FRRS1: variants seen among roughly 807,000 people sequenced by gnomAD.
FRRS1 encodes the protein ferric chelate reductase 1, also known as ferric reductase 1.
A neutral mutation model predicts 70.7 loss-of-function variants in FRRS1; 51 were observed. That is an observed-to-expected ratio of 0.72 (90% CI 0.58 to 0.91). FRRS1 has a LOEUF of 0.91. FRRS1 is among the 40% of genes least tolerant of loss of function. FRRS1 has a pLI of 0.00. For missense variants in FRRS1, 672 were observed against 726.0 expected, an observed-to-expected ratio of 0.93 and a Z score of 0.86; for synonymous variants, 225 against 238.7, an observed-to-expected ratio of 0.94 and a Z score of 0.53.
chr1:99,717,347 T>C, intron 11 of FRRS1, 63 bp downstream of exon 11: 1 of 1,052,070 alleles, frequency 9.5e-7, no homozygotes, highest in Non-Finnish European at 1.5e-6. Context: ...ATACTTCATA[T>C]GTTTTCATGT....
At chr1:99,742,312 A>G in intron 4 of FRRS1, 39 bp from the exon 5 acceptor site, 1 of 1,215,268 alleles carries the variant, frequency 8.2e-7, no homozygotes, top group African/African-American at 1.5e-5. Flanking sequence ...TCAGTCACTC[A>G]ATAGCTCAGC....
chr1:99,747,550 A>G, intron 3 of FRRS1, 120 bp from the exon 4 acceptor site: 1 of 926,330 alleles, frequency 1.1e-6, no homozygotes, highest in Non-Finnish European at 1.6e-6. Context: ...TGGAGAGAAA[A>G]CAGTCATCTT....
rs536865996 is a variant in FRRS1 at position 99,735,009 on chromosome 1, T to C, written c.759+3077A>G. On this transcript the variant is annotated intron_variant, in intron 7 of 16. Transcript: ENST00000646001. ...GCTAATGCGCATACTTGATAGACTTTACATTATTTAACAAAATATCTCAAA... is the reference window on the plus strand; with the variant it reads ...GCTAATGCGCATACTTGATAGACTTCACATTATTTAACAAAATATCTCAAA... Among the ~76,000 whole-genome samples the C allele has an allele frequency of 3.3e-5, 5 of 152,316 alleles. No individual in the cohort carries two copies. In the South Asian group the frequency reaches 8.3e-4, roughly 25 times the overall value.
rs1377292229 is a variant in FRRS1, at chr1:99,747,421, G to A, written c.206C>T (p.Ser69Leu). 1.2e-5 allele frequency: 20 copies of A among 1,608,784 alleles called. No homozygotes were observed. Among genetic ancestry groups the A allele is most frequent in the Non-Finnish European group, 1.4e-5 (16 of 1,178,570 alleles). ...RPGDQIEVTL[S>L]GHPFKGFLLE... ...GAGAAAGCCTTTAAATGGATGCCCTGACAAAGTAACTGAGAAAAAGACAAA... is the reference window on the plus strand; with the variant it reads ...GAGAAAGCCTTTAAATGGATGCCCTAACAAAGTAACTGAGAAAAAGACAAA... Residue 69 changes from serine to leucine, a missense_variant, in exon 4 of 17, where the codon TCA (serine) becomes TTA (leucine). By Grantham distance (145) the Ser-to-Leu change is moderately radical (BLOSUM62 -2). Transcript: ENST00000646001.
rs1437609792 is a variant in FRRS1, at chr1:99,748,888, T to C, written c.-1+9A>G. 2 of 639,978 alleles carry C rather than the reference T, an allele frequency of 3.1e-6. No homozygotes were observed. Among genetic ancestry groups the C allele is most frequent in the African/African-American group, 1.8e-5 (1 of 54,362 alleles). The allele number at this position is 639,978 out of a possible 1,614,324, so 39.6% of individuals were successfully genotyped here. A position where few individuals can be genotyped will look rare whatever the true frequency, so the allele number is the denominator to read the frequency against. ...TTTCTGTGTTCAGCAAACCATATTC[T>C]CAACATACCTGATAAAAAGAATGTG... On this transcript the variant is annotated intron_variant, in intron 2 of 16. Coordinates refer to ENST00000646001, the MANE Select transcript of FRRS1 (RefSeq NM_001361041.2).
At chr1:99,754,759 G>A (rs770136094) in intron 1 of FRRS1, among the ~76,000 whole-genome samples, 2 of 152,098 alleles carry the variant, frequency 1.3e-5, no homozygotes, top group Non-Finnish European at 2.9e-5. Flanking sequence ...AGTGCTTAAC[G>A]GGAAATTTAC....
chr1:99,717,116 G>A (rs903767702), intron 11 of FRRS1, among the ~76,000 whole-genome samples: 15 of 152,156 alleles, frequency 9.9e-5, no homozygotes, highest in Non-Finnish European at 1.6e-4. Context: ...TCTACAAACA[G>A]AGGTATAAGT....
At chr1:99,724,181 G>A (rs1036996056) in intron 9 of FRRS1, among the ~76,000 whole-genome samples, 4 of 152,210 alleles carry the variant, frequency 2.6e-5, no homozygotes, top group African/African-American at 7.2e-5. Flanking sequence ...TGATTTCAGA[G>A]TTCCATTGTG....
intron 4 of FRRS1, among the ~76,000 whole-genome samples, chr1:99,742,946 T>A (rs2100971150): frequency 6.6e-6 from 1 of 152,030 alleles, no homozygotes; most frequent in South Asian, 2.1e-4. Flanking sequence ...CCATCACCTA[T>A]CCCTCCCATT....
At chr1:99,718,417 C>T (rs1270588355) in intron 10 of FRRS1, among the ~76,000 whole-genome samples, 1 of 152,140 alleles carries the variant, frequency 6.6e-6, no homozygotes, top group East Asian at 1.9e-4. Context: ...CAACCTCCAC[C>T]TTCTGGGTTC....
rs756656470 is a variant in FRRS1, at chr1:99,747,322, G to C, written c.305C>G (p.Ser102Ter). The C allele has an allele frequency of 1.2e-6, 2 of 1,613,674 alleles. No homozygotes were observed. Among genetic ancestry groups the C allele is most frequent in the Non-Finnish European group, 1.7e-6 (2 of 1,179,878 alleles). ...GSFTLIDSEVSQLLTCEDIQG... is the reference protein window; with the variant it reads ...GSFTLIDSEV Reference sequence around the variant, plus strand: ...TATATCTTCACAGGTCAAAAGTTGTGACACTTCACTGTCAATCAATGTGAA... The same window carrying C: ...TATATCTTCACAGGTCAAAAGTTGTCACACTTCACTGTCAATCAATGTGAA... Residue 102 changes from serine to a stop codon, truncating the protein, a stop_gained, in exon 4 of 17, where the codon TCA becomes TGA. Coordinates refer to ENST00000646001, the MANE Select transcript of FRRS1 (RefSeq NM_001361041.2). LOFTEE classifies it high-confidence loss of function.
In FRRS1 at chr1:99,728,506, A is replaced by G; in HGVS notation, c.993T>C (p.Gly331=). Residue 331 remains glycine, a synonymous_variant, in exon 9 of 17, where the codon GGT becomes GGC. Transcript: ENST00000646001. ...NTSYYIFLAD[G]AANDGRIYKH... ...CAATATACTTACCATCATTAGCTGC[A>G]CCATCTGCTAGAAATATGTAATAGC... is the stretch of plus-strand genomic sequence containing the variant. 1.2e-6 allele frequency: 2 copies of G among 1,611,856 alleles called. No individual in the cohort carries two copies. Among genetic ancestry groups the G allele is most frequent in the South Asian group, 1.1e-5 (1 of 90,936 alleles).
chr1:99,736,205 T>C (rs1655648114), intron 7 of FRRS1, among the ~76,000 whole-genome samples: 2 of 152,150 alleles, frequency 1.3e-5, no homozygotes, highest in Admixed American at 1.3e-4. Context: ...ACACTAAGAA[T>C]ATCCAAAAGA....
chr1:99,714,468 C>G (rs1272908403), intron 12 of FRRS1, among the ~76,000 whole-genome samples: 2 of 152,086 alleles, frequency 1.3e-5, no homozygotes, highest in African/African-American at 2.4e-5. Flanking sequence ...AGGTGTGAGC[C>G]ACCATGCCCG....
rs751238124 is a variant in FRRS1 at position 99,748,747 on chromosome 1, G to A, written c.22C>T (p.Leu8Phe). The change falls in exon 3 of 17, where the codon CTT (leucine) becomes TTT (phenylalanine). Residue 8 changes from leucine (L) to phenylalanine (F), a missense_variant. Transcript: ENST00000646001. ...TGCAACAGAAGTATGCAGGTACCAA[G>A]AGTAAATCCAGAAACTGCCATCTCA... MAVSGFT[L>F]GTCILLLHIS... 17 of 1,613,376 alleles carry A rather than the reference G, an allele frequency of 1.1e-5. No individual in the cohort carries two copies. In the Admixed American group the frequency reaches 2.7e-4, roughly 25 times the overall value.
At chr1:99,766,572 A>G (rs1206651837) in intron 1 of FRRS1, 35 bp downstream of exon 1, 2 of 152,242 alleles carry the variant, frequency 1.3e-5, no homozygotes, top group Non-Finnish European at 2.9e-5. Context: ...CTTTACAAAG[A>G]GCTTTGACAT....
At chr1:99,746,001 G>A (rs1175853954) in intron 4 of FRRS1, among the ~76,000 whole-genome samples, 1 of 102,172 alleles carries the variant, frequency 9.8e-6, no homozygotes, top group Non-Finnish European at 1.7e-5. Context: ...CCCAGAAGCT[G>A]AGCAGATGCC....
chr1:99,716,570 G>A (rs80137205), intron 11 of FRRS1, among the ~76,000 whole-genome samples: 2 of 152,314 alleles, frequency 1.3e-5, no homozygotes, highest in African/African-American at 4.8e-5. Context: ...GAACAAATCA[G>A]ACTGGCCTTC....
intron 12 of FRRS1, among the ~76,000 whole-genome samples, chr1:99,714,031 A>T (rs1654400547): frequency 6.6e-6 from 1 of 152,052 alleles, no homozygotes. Flanking sequence ...ATGGAAGGAG[A>T]TGGACTAGAA....
Sources: gnomAD v4.1 joint callset for allele counts (sites outside exome capture counted in the v4.1 genomes callset) on GRCh38, gnomAD v4.1.1 for gene constraint, MANE v1.5 for transcripts, NCBI Gene and HGNC (gene_info 2026-07-23, HGNC 2026-07-21) for gene names.